ERBB4: variants seen among roughly 807,000 people sequenced by gnomAD.
ERBB4 encodes receptor tyrosine-protein kinase erbB-4.
A neutral mutation model predicts 158.0 loss-of-function variants in ERBB4; 42 were observed. The observed-to-expected ratio is 0.27, with a 90% confidence interval of 0.21 to 0.34. The LOEUF is 0.34. ERBB4 is among the 10% of genes least tolerant of loss of function. The probability of loss-of-function intolerance (pLI) is 1.00; values close to 1 mark genes in which losing one functional copy is unlikely to be tolerated. For synonymous variants in ERBB4, 583 were observed against 558.7 expected, an observed-to-expected ratio of 1.04 and a Z score of -0.61; for missense variants, 1,333 against 1,624.1, an observed-to-expected ratio of 0.82 and a Z score of 3.08.
chr2:211,980,510 T>C (rs2081759149), intron 2 of ERBB4, among the ~76,000 whole-genome samples: 1 of 152,206 alleles, frequency 6.6e-6, no homozygotes, highest in African/African-American at 2.4e-5. Context: ...TAATTTCTGT[T>C]CTAAAGGCTG....
At chr2:212,045,743 T>C (rs923427285) in intron 2 of ERBB4, among the ~76,000 whole-genome samples, 1 of 152,192 alleles carries the variant, frequency 6.6e-6, no homozygotes, top group Non-Finnish European at 1.5e-5. Flanking sequence ...AACAAACCGC[T>C]ACTGTGTCCA....
In ERBB4 at chr2:211,722,404, T is replaced by C; in HGVS notation, c.872A>G (p.Lys291Arg). 5 of 1,613,558 alleles carry C rather than the reference T, an allele frequency of 3.1e-6. No individual in the cohort carries two copies. The highest frequency in any genetic ancestry group is 4.2e-6 in the Non-Finnish European group (5 of 1,179,454). The change falls in exon 7 of 28, where the codon AAG (lysine) becomes AGG (arginine). Residue 291 changes from lysine to arginine, a missense_variant. Physicochemically the swap from Lys to Arg is conservative, Grantham distance 26. Coordinates refer to ENST00000342788, the MANE Select transcript of ERBB4 (RefSeq NM_005235.3). ...AKYTYGAFCV[K>R]KCPHNFVVDS... is the part of the protein sequence containing the mutation. ...ATTCTGTTACTTACGTGGACATTTC[T>C]TGACACAGAATGCTCCATATGTGTA...
rs550548161 is a variant in ERBB4, at chr2:212,455,000, A to G, written c.82+83449T>C. 2.0e-4 allele frequency among the ~76,000 whole-genome samples: 30 copies of G among 152,326 alleles called. No homozygotes were observed. The East Asian group carries it at 5.2e-3, about 26-fold the overall frequency. On this transcript the variant is annotated intron_variant, in intron 1 of 27. Coordinates refer to ENST00000342788, the MANE Select transcript of ERBB4 (RefSeq NM_005235.3). Reference sequence around the variant, plus strand: ...TGCAAAGTGTCAATATTATTATGATATTAAGATGTAATATTCATTTAGCAT... The same window carrying G: ...TGCAAAGTGTCAATATTATTATGATGTTAAGATGTAATATTCATTTAGCAT...
chr2:211,832,885 T>C (rs184396849), intron 3 of ERBB4, among the ~76,000 whole-genome samples: 5 of 140,570 alleles, frequency 3.6e-5, no homozygotes, highest in Admixed American at 2.1e-4. Context: ...ACTATATATA[T>C]AGTTTATATA....
intron 20 of ERBB4, among the ~76,000 whole-genome samples, chr2:211,513,368 A>AC (rs2065934447): frequency 7.3e-6 from 1 of 136,758 alleles, no homozygotes; most frequent in African/African-American, 3.1e-5. Context: ...AAAAAAAAAA[A>AC]AAAAAAAACA....
At chr2:211,981,376 T>TGG (rs551454513) in intron 2 of ERBB4, among the ~76,000 whole-genome samples, 40 of 152,218 alleles carry the variant, frequency 2.6e-4, no homozygotes, top group Non-Finnish European at 4.6e-4. Flanking sequence ...AAGAGCACTT[T>TGG]GGGAACTGCT....
At chr2:211,761,603 C>T (rs576787059) in intron 4 of ERBB4, among the ~76,000 whole-genome samples, 1 of 152,174 alleles carries the variant, frequency 6.6e-6, no homozygotes, top group East Asian at 1.9e-4. Flanking sequence ...TTGGCAATTA[C>T]TTTGATTCTA....
chr2:211,727,945 G>C (rs189671879), intron 5 of ERBB4, among the ~76,000 whole-genome samples: 1 of 151,972 alleles, frequency 6.6e-6, no homozygotes, highest in Admixed American at 6.6e-5. Flanking sequence ...ATCTGGGTTT[G>C]TGAACGTATA....
At chr2:211,415,257 C>T (rs1194082741) in intron 25 of ERBB4, among the ~76,000 whole-genome samples, 3 of 151,872 alleles carry the variant, frequency 2.0e-5, no homozygotes, top group Non-Finnish European at 4.4e-5. Context: ...GCCGGGACCA[C>T]AGGCGCCCGC....
chr2:211,985,498 A>T (rs1010494473), intron 2 of ERBB4, among the ~76,000 whole-genome samples: 8 of 152,258 alleles, frequency 5.3e-5, no homozygotes, highest in African/African-American at 1.7e-4. Context: ...GACCAAATTG[A>T]CCATCAGTAA....
At chr2:212,496,262 C>T (rs376851202) in intron 1 of ERBB4, among the ~76,000 whole-genome samples, 15 of 149,834 alleles carry the variant, frequency 1.0e-4, no homozygotes, top group Non-Finnish European at 1.5e-4. Flanking sequence ...CAAAGTATAT[C>T]GATTGTTGAT....
rs560528393 is a variant in ERBB4 at position 211,548,547 on chromosome 2, G to A, written c.2487+13356C>T. Among the ~76,000 whole-genome samples the A allele has an allele frequency of 5.7e-4, 87 of 152,060 alleles. 1 individual carries two copies. The highest frequency in any genetic ancestry group is 1.4e-3 in the African/African-American group (59 of 41,506). ...ATAGAACCTAAATTACAAACAAAGC[G>A]TCCACAAGTGTTGCAGTCAGGGCTT... On this transcript the variant is annotated intron_variant, in intron 20 of 27. Coordinates refer to ENST00000342788, the MANE Select transcript of ERBB4 (RefSeq NM_005235.3).
chr2:211,393,441 C>G (rs549606340), intron 25 of ERBB4, among the ~76,000 whole-genome samples: 2 of 152,270 alleles, frequency 1.3e-5, no homozygotes, highest in African/African-American at 2.4e-5. Context: ...CACTCTATGA[C>G]CTTAACATTA....
At chr2:212,178,912 G>T (rs533977148) in intron 1 of ERBB4, among the ~76,000 whole-genome samples, 1 of 151,574 alleles carries the variant, frequency 6.6e-6, no homozygotes, top group African/African-American at 2.4e-5. Context: ...CTTTTCCATA[G>T]AAAACTTACT....
chr2:212,465,088 GAATTAC>G (rs1688764867), intron 1 of ERBB4, among the ~76,000 whole-genome samples: 2 of 152,116 alleles, frequency 1.3e-5, no homozygotes, highest in African/African-American at 4.8e-5. Context: ...GAAGCGGACA[GAATTAC>G]AATATTGAAG....
At chr2:211,823,331 T>C (rs781227237) in intron 3 of ERBB4, among the ~76,000 whole-genome samples, 4 of 151,936 alleles carry the variant, frequency 2.6e-5, no homozygotes, top group African/African-American at 4.8e-5. Context: ...GGTTTTGCGA[T>C]TGTGAGATGC....
At chr2:211,584,475 A>G (rs184582304) in intron 19 of ERBB4, among the ~76,000 whole-genome samples, 54 of 152,144 alleles carry the variant, frequency 3.5e-4, no homozygotes, top group Non-Finnish European at 6.0e-4. Flanking sequence ...ATAAGACCCC[A>G]CAGTGTGTAA....
chr2:212,189,509 C>G (rs1321285935), intron 1 of ERBB4, among the ~76,000 whole-genome samples: 1 of 152,092 alleles, frequency 6.6e-6, no homozygotes, highest in Admixed American at 6.6e-5. Context: ...TTTTTCATTC[C>G]ATCACATTCA....
At chr2:211,462,385 G>A (rs1314572287) in intron 20 of ERBB4, among the ~76,000 whole-genome samples, 4 of 151,970 alleles carry the variant, frequency 2.6e-5, no homozygotes, top group East Asian at 1.9e-4. Context: ...AAACCATATC[G>A]GAGTGATTGT....
Sources: allele counts gnomAD v4.1 joint callset (sites outside exome capture counted in the v4.1 genomes callset), GRCh38; gene constraint gnomAD v4.1.1; transcripts MANE v1.5; gene names NCBI Gene and HGNC (gene_info 2026-07-23, HGNC 2026-07-21).